The following CHID1 variants were observed in gnomAD, a reference collection of about 807,000 sequenced individuals.
CHID1 encodes chitinase domain containing 1, also known as chitinase domain-containing protein 1.
In CHID1, 44 loss-of-function variants were observed where a neutral mutation model predicts 55.4. That is an observed-to-expected ratio of 0.79 (90% confidence interval 0.62 to 1.02). CHID1 has a LOEUF of 1.02. Among genes scored for constraint, CHID1 ranks in the 50% least tolerant of loss-of-function variants. CHID1 has a pLI of 0.00. For synonymous variants in CHID1, 216 were observed against 212.9 expected, an observed-to-expected ratio of 1.01 and a Z score of -0.13; for missense variants, 491 against 515.3, an observed-to-expected ratio of 0.95 and a Z score of 0.46.
intron 8 of CHID1, among the ~76,000 whole-genome samples, chr11:885,101 G>A (rs1338440007): frequency 6.6e-6 from 1 of 152,240 alleles, no homozygotes; most frequent in African/African-American, 2.4e-5. Context: ...CGGAGGAGCA[G>A]CATGCACTGA....
intron 8 of CHID1, 88 bp from the exon 9 acceptor site, chr11:884,257 G>T: frequency 1.0e-6 from 1 of 954,670 alleles, no homozygotes; most frequent in Non-Finnish European, 1.6e-6. Flanking sequence ...TGCCTGTAGG[G>T]GACTTGGGTC....
chr11:869,941 G>A lies in CHID1; in HGVS notation c.1099C>T (p.Leu367=). The change falls in exon 13 of 13, where the codon CTG becomes TTG. Residue 367 remains leucine (L), a synonymous_variant. Coordinates refer to ENST00000323578, the MANE Select transcript of CHID1 (RefSeq NM_023947.4). ...YPTLKSLQVR[L]ELARELGVGV... ...ACGCCCAGCTCCCGGGCCAGCTCCA[G>A]CCGCACCTGCAGGGACTGGGCACAG... 1 of 1,612,848 alleles carries A rather than the reference G, an allele frequency of 6.2e-7. No homozygotes were observed. The highest frequency in any genetic ancestry group is 8.5e-7 in the Non-Finnish European group (1 of 1,179,904).
chr11:896,594 G>A (rs1312422537), intron 7 of CHID1, among the ~76,000 whole-genome samples: 1 of 117,732 alleles, frequency 8.5e-6, no homozygotes, highest in Non-Finnish European at 1.7e-5. Context: ...AGCACCCCCA[G>A]CCTCCACCCC....
At chr11:881,183 C>T (rs1050721621) in intron 10 of CHID1, among the ~76,000 whole-genome samples, 11 of 152,162 alleles carry the variant, frequency 7.2e-5, no homozygotes, top group Admixed American at 2.0e-4. Context: ...GTGGCTCACG[C>T]GTGTCATCGC....
At position 883,289 on chromosome 11, in the gene CHID1, G is replaced by A. The variant is rs752907443; in HGVS notation, c.818C>T (p.Ala273Val). 1.9e-6 allele frequency: 3 copies of A among 1,613,178 alleles called. No homozygotes were observed. Among genetic ancestry groups the A allele is most frequent in the East Asian group, 2.2e-5 (1 of 44,870 alleles). Residue 273 changes from alanine to valine, a missense_variant, in exon 10 of 13, where the codon GCA (alanine) becomes GTA (valine). Transcript: ENST00000323578. The part of the protein sequence containing the change: ...YSTAHQPGPN[A>V]PLSWVRACVQ... ...GCAGGCTCGAACCCAGGACAGGGGTGCATTAGGGCCAGGCCTGCAGGGCAA... is the reference window on the plus strand; with the variant it reads ...GCAGGCTCGAACCCAGGACAGGGGTACATTAGGGCCAGGCCTGCAGGGCAA...
chr11:870,430 GAA>G lies in CHID1; in HGVS notation c.1027_1028del (p.Phe343ArgfsTer65). The G allele has an allele frequency of 6.2e-7, 1 of 1,610,416 alleles. No individual in the cohort carries two copies. The highest frequency in any genetic ancestry group is 8.5e-7 in the Non-Finnish European group (1 of 1,177,854). ...TTCAAAACACTCACTTCTTGTACTC[GAA>G]GAAGTGCTCTGAGGCCTGGCTGTCC... ...VWDSQASEHFFEYKKSRSGRH... is the reference protein window; with the variant it reads ...VWDSQASEHFXEYKKSRSGRH... On this transcript the variant is annotated frameshift_variant, in exon 11 of 13. Coordinates refer to ENST00000323578, the MANE Select transcript of CHID1 (RefSeq NM_023947.4). LOFTEE classifies it high-confidence loss of function.
Position 900,827 on chromosome 11 carries a change from C to T in CHID1, c.439+109G>A, listed in dbSNP as rs1053499515. Reference sequence around the variant, plus strand: ...TCTGAGCGGTCAAAGTAACCTGTGCCGCAGCAGCACAGCCGGGTGATCAGG... The same window carrying T: ...TCTGAGCGGTCAAAGTAACCTGTGCTGCAGCAGCACAGCCGGGTGATCAGG... On this transcript the variant is annotated intron_variant, in intron 5 of 12. Coordinates refer to ENST00000323578, the MANE Select transcript of CHID1 (RefSeq NM_023947.4). 6.6e-5 allele frequency: 59 copies of T among 894,412 alleles called. 1 individual carries two copies. In the South Asian group the frequency reaches 6.9e-4, roughly 10 times the overall value. 55.4% of individuals were successfully genotyped at this position (894,412 alleles called of 1,614,324 possible). A position where few individuals can be genotyped will look rare whatever the true frequency, so the allele number is the denominator to read the frequency against.
chr11:904,830 C>A lies in CHID1; in HGVS notation c.-14G>T. 1 of 1,613,600 alleles carries A rather than the reference C, an allele frequency of 6.2e-7. No homozygotes were observed. Among genetic ancestry groups the A allele is most frequent in the Non-Finnish European group, 8.5e-7 (1 of 1,179,968 alleles). ...GAGTGTCCGCATGGTAGGTGTGTCA[C>A]AGTAGGGTCCAACCTCGGGGTCCAG... is the stretch of plus-strand genomic sequence containing the variant. On this transcript the variant is annotated 5_prime_UTR_variant, in exon 2 of 13. Transcript: ENST00000323578.
chr11:883,033 T>C, intron 10 of CHID1, 115 bp downstream of exon 10: 2 of 1,161,954 alleles, frequency 1.7e-6, no homozygotes, highest in Non-Finnish European at 2.4e-6. Context: ...TCTCTGACTC[T>C]GTGGGGCAGA....
chr11:914,514 A>G, upstream of CHID1: 1 of 1,288,920 alleles, frequency 7.8e-7, no homozygotes, highest in Non-Finnish European at 1.0e-6. Context: ...AGGAGACCCC[A>G]TGCCTTACCT....
At chr11:899,430 G>A (rs1390125443) in intron 6 of CHID1, 29 bp from the exon 7 acceptor site, 16 of 1,577,452 alleles carry the variant, frequency 1.0e-5, no homozygotes, top group Middle Eastern at 1.7e-4. Context: ...GGTGAGGAGG[G>A]CCTGGAGGCC....
At position 869,344 on chromosome 11, in the gene CHID1, C is replaced by G. The variant is rs1416109660; in HGVS notation, c.*514G>C. ...ACTCGGTGGGGACGTCTGGGTGGCT[C>G]TCTGCAGGTGACACACGTGCTGTGG... On this transcript the variant is annotated 3_prime_UTR_variant, in exon 13 of 13. Coordinates refer to ENST00000323578, the MANE Select transcript of CHID1 (RefSeq NM_023947.4). 1 of 160,584 alleles carries G rather than the reference C, an allele frequency of 6.2e-6. No individual in the cohort carries two copies. Among genetic ancestry groups the G allele is most frequent in the Admixed American group, 6.1e-5 (1 of 16,448 alleles). 9.9% of individuals were successfully genotyped at this position (160,584 alleles called of 1,614,324 possible).
chr11:877,177 A>G (rs1386244102), intron 10 of CHID1, among the ~76,000 whole-genome samples: 1 of 152,114 alleles, frequency 6.6e-6, no homozygotes, highest in Non-Finnish European at 1.5e-5. Context: ...GCTCACATAC[A>G]CACCTTTGTA....
Position 884,050 on chromosome 11 carries a change from C to T in CHID1, c.803+18G>A. Reference sequence around the variant, plus strand: ...GTGGAGTTTGCTGTGCCCAGGAGCCCCCCAAGCCCACACTCACTGATGCGC... The same window carrying T: ...GTGGAGTTTGCTGTGCCCAGGAGCCTCCCAAGCCCACACTCACTGATGCGC... On this transcript the variant is annotated intron_variant, in intron 9 of 12. Transcript: ENST00000323578. 1 of 1,601,598 alleles carries T rather than the reference C, an allele frequency of 6.2e-7. No individual in the cohort carries two copies. Among genetic ancestry groups the T allele is most frequent in the Non-Finnish European group, 8.6e-7 (1 of 1,168,684 alleles).
intron 10 of CHID1, among the ~76,000 whole-genome samples, chr11:879,425 T>C (rs1014395020): frequency 6.6e-6 from 1 of 152,254 alleles, no homozygotes; most frequent in African/African-American, 2.4e-5. Flanking sequence ...TGGGCTGTAA[T>C]GCAACATGAC....
chr11:892,094 G>A (rs1255220713), intron 8 of CHID1, among the ~76,000 whole-genome samples: 5 of 152,030 alleles, frequency 3.3e-5, no homozygotes, highest in African/African-American at 4.8e-5. Context: ...CAGCCTGGGC[G>A]ACAGAGTGAG....
At position 870,708 on chromosome 11, in the gene CHID1, C is replaced by G. The variant is rs1849119226; in HGVS notation, c.960-209G>C. On this transcript the variant is annotated intron_variant, in intron 10 of 12. Coordinates refer to ENST00000323578, the MANE Select transcript of CHID1 (RefSeq NM_023947.4). Reference sequence around the variant, plus strand: ...GAGGAAACCTCAGGAAAAACATCTTCCAGGAGCTTCCTCGGAAGAAGCCAC... The same window carrying G: ...GAGGAAACCTCAGGAAAAACATCTTGCAGGAGCTTCCTCGGAAGAAGCCAC... The G allele has an allele frequency of 5.4e-6, 3 of 550,478 alleles. No homozygotes were observed. The South Asian group carries it at 6.8e-5, about 12-fold the overall frequency. The allele number at this position is 550,478 out of a possible 1,614,324, so 34.1% of individuals were successfully genotyped here.
Position 868,271 on chromosome 11 carries a change from GTGT to G in CHID1, c.*1584_*1586del. 1 of 152,094 alleles carries G rather than the reference GTGT, an allele frequency of 6.6e-6. No homozygotes were observed. The highest frequency in any genetic ancestry group is 6.5e-5 in the Admixed American group (1 of 15,276). 9.4% of individuals were successfully genotyped at this position (152,094 alleles called of 1,614,324 possible). A position where few individuals can be genotyped will look rare whatever the true frequency, so the allele number is the denominator to read the frequency against. On this transcript the variant is annotated 3_prime_UTR_variant, in exon 13 of 13. Coordinates refer to ENST00000323578, the MANE Select transcript of CHID1 (RefSeq NM_023947.4). ...AGTGCCCCAAAGCCAGTGGCAGCTTGTGTTTTTTTAGACAAGGTTTTTGGAGTG... is the reference window on the plus strand; with the variant it reads ...AGTGCCCCAAAGCCAGTGGCAGCTTGTTTTTTAGACAAGGTTTTTGGAGTG...
At chr11:908,623 TTC>T in intron 1 of CHID1, 1 of 985,398 alleles carries the variant, frequency 1.0e-6, no homozygotes, top group Non-Finnish European at 1.2e-6. Context: ...CACTGGCTCC[TTC>T]TCTGTCTTCT....
Sources: allele counts gnomAD v4.1 joint callset (sites outside exome capture counted in the v4.1 genomes callset), GRCh38; gene constraint gnomAD v4.1.1; transcripts MANE v1.5; gene names NCBI Gene and HGNC (gene_info 2026-07-23, HGNC 2026-07-21).